The following GRIK3 variants were observed in gnomAD, a reference collection of about 807,000 sequenced individuals.
GRIK3 encodes glutamate receptor ionotropic, kainate 3.
A neutral mutation model predicts 102.5 loss-of-function variants in GRIK3; 29 were observed. The observed-to-expected ratio is 0.28, with a 90% confidence interval of 0.21 to 0.39. The LOEUF (loss-of-function observed/expected upper bound fraction) is 0.39. Among genes scored for constraint, GRIK3 ranks in the 10% least tolerant of loss-of-function variants. The pLI is 1.00. For synonymous variants in GRIK3, 511 were observed against 504.9 expected, an observed-to-expected ratio of 1.01 and a Z score of -0.16; for missense variants, 908 against 1,252.4, an observed-to-expected ratio of 0.73 and a Z score of 4.15.
At chr1:36,892,342 A>G (rs896337000) in intron 1 of GRIK3, among the ~76,000 whole-genome samples, 1 of 152,160 alleles carries the variant, frequency 6.6e-6, no homozygotes, top group East Asian at 1.9e-4. Flanking sequence ...GTTTTAAAAC[A>G]TGACAAAAAC....
At chr1:36,921,449 T>C (rs1641469966) in intron 1 of GRIK3, among the ~76,000 whole-genome samples, 1 of 152,208 alleles carries the variant, frequency 6.6e-6, no homozygotes, top group Non-Finnish European at 1.5e-5. Flanking sequence ...TGCGTGACCT[T>C]TAACACTGCT....
At chr1:36,898,857 T>G (rs1360894014) in intron 1 of GRIK3, among the ~76,000 whole-genome samples, 1 of 152,114 alleles carries the variant, frequency 6.6e-6, no homozygotes, top group Non-Finnish European at 1.5e-5. Context: ...AAACTATATA[T>G]AGAGTCCAGA....
intron 13 of GRIK3, among the ~76,000 whole-genome samples, chr1:36,814,043 C>A (rs1464803672): frequency 6.6e-6 from 1 of 152,194 alleles, no homozygotes; most frequent in African/African-American, 2.4e-5. Context: ...GAAGCCCCAG[C>A]ATCCCAGACA....
At chr1:36,891,721 A>G (rs1641118990) in intron 1 of GRIK3, among the ~76,000 whole-genome samples, 1 of 152,240 alleles carries the variant, frequency 6.6e-6, no homozygotes, top group African/African-American at 2.4e-5. Context: ...GCATCACGCC[A>G]TTAACCAATG....
intron 1 of GRIK3, among the ~76,000 whole-genome samples, chr1:37,026,843 T>G (rs566559500): frequency 6.6e-6 from 1 of 151,932 alleles, no homozygotes; most frequent in Non-Finnish European, 1.5e-5. Context: ...GAAAAAATTC[T>G]GCAAGTAAAC....
At chr1:36,840,609 C>G (rs561271515) in intron 10 of GRIK3, among the ~76,000 whole-genome samples, 8 of 151,604 alleles carry the variant, frequency 5.3e-5, no homozygotes, top group Non-Finnish European at 1.2e-4. Context: ...TGCCTGTAGC[C>G]CCAGCTACTC....
At chr1:36,928,933 C>A (rs1425731749) in intron 1 of GRIK3, among the ~76,000 whole-genome samples, 1 of 151,986 alleles carries the variant, frequency 6.6e-6, no homozygotes, top group Non-Finnish European at 1.5e-5. Flanking sequence ...TGTGCTGAAC[C>A]CTAAAGAATG....
At position 37,009,226 on chromosome 1, in the gene GRIK3, C is replaced by A. The variant is rs76760072; in HGVS notation, c.115+24768G>T. On this transcript the variant is annotated intron_variant, in intron 1 of 15. Coordinates refer to ENST00000373091, the MANE Select transcript of GRIK3 (RefSeq NM_000831.4). ...TTGGCTTGATTAAGGAAGAAAATTT[C>A]CAAGGACTTAATTTCAGAATGAGTG... Among the ~76,000 whole-genome samples the A allele has an allele frequency of 5.0e-3, 759 of 152,250 alleles. 5 individuals carry two copies. The highest frequency in any genetic ancestry group is 0.017 in the African/African-American group (723 of 41,536).
intron 2 of GRIK3, among the ~76,000 whole-genome samples, chr1:36,882,580 C>T (rs914601172): frequency 3.3e-5 from 5 of 152,154 alleles, no homozygotes; most frequent in Admixed American, 6.5e-5. Context: ...GAATGCGGCT[C>T]GCACCCAGAA....
intron 9 of GRIK3, among the ~76,000 whole-genome samples, chr1:36,845,477 G>A (rs1271087457): frequency 6.6e-6 from 1 of 152,202 alleles, no homozygotes; most frequent in Non-Finnish European, 1.5e-5. Context: ...CTAGCGCTAA[G>A]CCTCTCCCAG....
chr1:36,867,893 G>A (rs1395091940), intron 5 of GRIK3, among the ~76,000 whole-genome samples: 2 of 152,046 alleles, frequency 1.3e-5, no homozygotes, highest in African/African-American at 4.8e-5. Flanking sequence ...GGCCGGGGTG[G>A]GGGGTCGTTG....
At chr1:36,849,278 A>G (rs956105053) in intron 9 of GRIK3, among the ~76,000 whole-genome samples, 10 of 152,204 alleles carry the variant, frequency 6.6e-5, no homozygotes, top group African/African-American at 2.4e-4. Flanking sequence ...CTGAGGGCAC[A>G]TGGGTGAGAA....
intron 1 of GRIK3, among the ~76,000 whole-genome samples, chr1:37,010,620 G>C (rs542228384): frequency 2.6e-5 from 4 of 152,136 alleles, no homozygotes; most frequent in Non-Finnish European, 4.4e-5. Flanking sequence ...GCAGTGTCCG[G>C]CTGTAATGCT....
At chr1:37,021,768 G>T (rs980952279) in intron 1 of GRIK3, among the ~76,000 whole-genome samples, 7 of 152,120 alleles carry the variant, frequency 4.6e-5, no homozygotes, top group Non-Finnish European at 7.3e-5. Context: ...GTTCAGGAGG[G>T]GAAGCTCAGG....
intron 10 of GRIK3, among the ~76,000 whole-genome samples, chr1:36,830,724 T>C (rs1570748551): frequency 1.3e-5 from 2 of 149,320 alleles, no homozygotes; most frequent in South Asian, 4.2e-4. Context: ...GCAGGCAGAA[T>C]TGCTTGAACC....
intron 10 of GRIK3, among the ~76,000 whole-genome samples, chr1:36,831,890 C>T (rs976079570): frequency 1.6e-4 from 24 of 152,348 alleles, no homozygotes; most frequent in Admixed American, 1.4e-3. Flanking sequence ...AGGCTTTCTG[C>T]AGCCCCTCTG....
chr1:36,822,911 T>A (rs933828988), intron 11 of GRIK3, among the ~76,000 whole-genome samples: 3 of 152,190 alleles, frequency 2.0e-5, no homozygotes, highest in Non-Finnish European at 4.4e-5. Flanking sequence ...AATATCTTGG[T>A]GGCAGTGAAA....
intron 10 of GRIK3, among the ~76,000 whole-genome samples, chr1:36,829,662 C>A (rs1642794080): frequency 6.6e-6 from 1 of 152,118 alleles, no homozygotes; most frequent in Admixed American, 6.6e-5. Flanking sequence ...TTCCACTTAC[C>A]AAGAATCTGT....
At chr1:36,883,110 T>G (rs1277176606) in intron 2 of GRIK3, among the ~76,000 whole-genome samples, 1 of 152,200 alleles carries the variant, frequency 6.6e-6, no homozygotes, top group Non-Finnish European at 1.5e-5. Context: ...AATGACCCAC[T>G]GGGCACAGGC....
Sources: gnomAD v4.1 joint callset for allele counts (sites outside exome capture counted in the v4.1 genomes callset) on GRCh38, gnomAD v4.1.1 for gene constraint, MANE v1.5 for transcripts, NCBI Gene and HGNC (gene_info 2026-07-23, HGNC 2026-07-21) for gene names.